Variants in ST3GAL1 observed in about 807,000 individuals in gnomAD.
ST3GAL1 encodes CMP-N-acetylneuraminate-beta-galactosamide-alpha-2,3-sialyltransferase 1.
Under a neutral mutation model 34.1 loss-of-function variants are expected in ST3GAL1, and 16 were observed. The observed-to-expected ratio is 0.47, with a 90% CI of 0.32 to 0.71. ST3GAL1 has a LOEUF of 0.71. Among genes scored for constraint, ST3GAL1 ranks in the 30% least tolerant of loss-of-function variants. The probability of loss-of-function intolerance (pLI) is 0.04; values close to 1 mark genes in which losing one functional copy is unlikely to be tolerated. For synonymous variants in ST3GAL1, 191 were observed against 184.7 expected (o/e 1.03, Z -0.28); for missense variants, 353 against 447.4 (o/e 0.79, Z 1.90).
chr8:133,517,494 C>T (rs1481153501), intron 2 of ST3GAL1, among the ~76,000 whole-genome samples: 4 of 152,180 alleles, frequency 2.6e-5, no homozygotes, highest in African/African-American at 7.2e-5. Context: ...GGACTACAGG[C>T]GCGTGCCAAC....
At chr8:133,510,858 C>T (rs182743997) in intron 2 of ST3GAL1, among the ~76,000 whole-genome samples, 3 of 152,274 alleles carry the variant, frequency 2.0e-5, no homozygotes, top group Admixed American at 1.3e-4. Context: ...AGCAGAGACT[C>T]GGAGCAAACT....
chr8:133,468,122 C>T (rs967199278), intron 5 of ST3GAL1, among the ~76,000 whole-genome samples: 5 of 151,826 alleles, frequency 3.3e-5, no homozygotes, highest in Non-Finnish European at 1.5e-5. Flanking sequence ...ACGTATATAC[C>T]CCCAGAAATT....
intron 8 of ST3GAL1, among the ~76,000 whole-genome samples, 191 bp from the exon 9 acceptor site, chr8:133,462,185 T>A (rs1418999561): frequency 6.6e-6 from 1 of 152,120 alleles, no homozygotes; most frequent in Non-Finnish European, 1.5e-5. Flanking sequence ...ACAGAGGTGC[T>A]GAGCTAATAA....
chr8:133,557,131 G>A (rs775825911), intron 1 of ST3GAL1, among the ~76,000 whole-genome samples: 1 of 152,122 alleles, frequency 6.6e-6, no homozygotes, highest in Non-Finnish European at 1.5e-5. Flanking sequence ...ACAGTGAATG[G>A]GCCTAGAATG....
At chr8:133,529,562 C>T (rs1167037934) in intron 2 of ST3GAL1, among the ~76,000 whole-genome samples, 2 of 152,142 alleles carry the variant, frequency 1.3e-5, no homozygotes, top group African/African-American at 4.8e-5. Flanking sequence ...GGGCTCCGGG[C>T]CCCATGGTGG....
At chr8:133,517,252 C>T (rs1162902250) in intron 2 of ST3GAL1, among the ~76,000 whole-genome samples, 1 of 152,256 alleles carries the variant, frequency 6.6e-6, no homozygotes, top group Non-Finnish European at 1.5e-5. Context: ...TGTCCCTTTA[C>T]TCCTCTAAGC....
chr8:133,498,798 C>T (rs80111736), intron 3 of ST3GAL1, among the ~76,000 whole-genome samples: 3,723 of 152,230 alleles, frequency 0.024, 148 homozygotes, highest in African/African-American at 0.081. Context: ...GTTCCTAGAG[C>T]TCCTGAGGCC....
rs141739757 is a variant in ST3GAL1, at chr8:133,462,928, T to G, written c.729+486A>C. ...GAGCCTATCTAAGTTTGATAGAGTATGCAAAAGGCCAGTGTGGTGGGTACC... is the reference window on the plus strand; with the variant it reads ...GAGCCTATCTAAGTTTGATAGAGTAGGCAAAAGGCCAGTGTGGTGGGTACC... On this transcript the variant is annotated intron_variant, in intron 8 of 9. Coordinates refer to ENST00000522652, the MANE Select transcript of ST3GAL1 (RefSeq NM_173344.3). Among the ~76,000 whole-genome samples the G allele has an allele frequency of 3.6e-3, 546 of 152,344 alleles. 2 individuals carry two copies. Among genetic ancestry groups the G allele is most frequent in the African/African-American group, 0.011 (446 of 41,584 alleles).
chr8:133,465,827 G>T, intron 6 of ST3GAL1, 67 bp downstream of exon 6: 2 of 1,533,666 alleles, frequency 1.3e-6, no homozygotes, highest in Non-Finnish European at 1.8e-6. Context: ...GAGCCAAGAT[G>T]CTTCCTACAG....
chr8:133,522,350 G>A (rs956839779), intron 2 of ST3GAL1, among the ~76,000 whole-genome samples: 2 of 152,172 alleles, frequency 1.3e-5, no homozygotes, highest in African/African-American at 2.4e-5. Context: ...AGATGCTGAG[G>A]CTCTCCAGGC....
chr8:133,504,754 G>A (rs992779753), intron 2 of ST3GAL1, among the ~76,000 whole-genome samples: 1 of 152,188 alleles, frequency 6.6e-6, no homozygotes, highest in Non-Finnish European at 1.5e-5. Context: ...AGGCTTCGGA[G>A]AGGAGGTCAG....
chr8:133,485,151 C>T (rs532945743), intron 3 of ST3GAL1, among the ~76,000 whole-genome samples: 2 of 152,278 alleles, frequency 1.3e-5, no homozygotes, highest in East Asian at 1.9e-4. Context: ...TGTTCCCACT[C>T]GCTGTGTGCT....
At position 133,556,359 on chromosome 8, in the gene ST3GAL1, G is replaced by C. The variant is rs987649278; in HGVS notation, c.-581-10433C>G. On this transcript the variant is annotated intron_variant, in intron 1 of 9. Coordinates refer to ENST00000522652, the MANE Select transcript of ST3GAL1 (RefSeq NM_173344.3). This position sits in a 1 kb window ranked among gnomAD's most constrained non-coding sequence, Gnocchi z 8.9. ...ACTCCAGAGCCTGTCTTCTCCCCCT[G>C]GCCTTGGCCTCCTGGACAGGAGACA... 6.6e-6 allele frequency among the ~76,000 whole-genome samples: 1 copy of C among 152,174 alleles called. No individual in the cohort carries two copies. Among genetic ancestry groups the C allele is most frequent in the African/African-American group, 2.4e-5 (1 of 41,438 alleles).
At chr8:133,569,242 G>A (rs1819492486) in intron 1 of ST3GAL1, among the ~76,000 whole-genome samples, 1 of 152,216 alleles carries the variant, frequency 6.6e-6, no homozygotes, top group African/African-American at 2.4e-5. Flanking sequence ...TGCAGGGAAA[G>A]CAAACTTCAG....
rs549417676 is a variant in ST3GAL1, at chr8:133,555,469, C to T, written c.-581-9543G>A. Among the ~76,000 whole-genome samples the T allele has an allele frequency of 3.2e-4, 48 of 152,296 alleles. No individual in the cohort carries two copies. In the Middle Eastern group the frequency reaches 0.024, roughly 76 times the overall value. ...ATTGGAGCAAACACTCCAAATGTGG[C>T]TCACAGTGACTCCCACCCGCACCAT... On this transcript the variant is annotated intron_variant, in intron 1 of 9. Transcript: ENST00000522652.
At chr8:133,502,211 C>A (rs1817176126) in intron 2 of ST3GAL1, among the ~76,000 whole-genome samples, 1 of 152,068 alleles carries the variant, frequency 6.6e-6, no homozygotes, top group African/African-American at 2.4e-5. Flanking sequence ...TGCCTGTAGG[C>A]CAGACGCTGT....
intron 2 of ST3GAL1, among the ~76,000 whole-genome samples, chr8:133,510,368 G>T (rs1466471949): frequency 6.6e-6 from 1 of 152,150 alleles, no homozygotes; most frequent in Non-Finnish European, 1.5e-5. Context: ...TGAAACACAG[G>T]CTACTGGAAG....
chr8:133,489,954 C>T (rs1816737247), intron 3 of ST3GAL1, among the ~76,000 whole-genome samples: 1 of 152,076 alleles, frequency 6.6e-6, no homozygotes, highest in Non-Finnish European at 1.5e-5. Context: ...ATCTAGTGGC[C>T]TCTGGTCTGC....
At position 133,475,875 on chromosome 8, in the gene ST3GAL1, C is replaced by T. The variant is rs1816156609; in HGVS notation, c.150G>A (p.Leu50=). 1 of 1,614,022 alleles carries T rather than the reference C, an allele frequency of 6.2e-7. No homozygotes were observed. The highest frequency in any genetic ancestry group is 1.7e-5 in the Admixed American group (1 of 60,002). ...KQMVLELSEN[L]KRLIKHRPCT... is the part of the protein sequence containing the mutation. ...AAGGCCTGTGCTTGATCAGTCTCTT[C>T]AGGTTCTCGGAGAGCTCCAGGACCA... Residue 50 remains leucine (L), a synonymous_variant, in exon 5 of 10, where the codon CTG becomes CTA. Coordinates refer to ENST00000522652, the MANE Select transcript of ST3GAL1 (RefSeq NM_173344.3).
Sources: allele counts gnomAD v4.1 joint callset (sites outside exome capture counted in the v4.1 genomes callset), GRCh38; gene constraint gnomAD v4.1.1; non-coding constraint Gnocchi (gnomAD v3.1); transcripts MANE v1.5; gene names NCBI Gene and HGNC (gene_info 2026-07-23, HGNC 2026-07-21).